The following DYNC1H1 variants were observed in gnomAD, a reference collection of about 807,000 sequenced individuals.
DYNC1H1 encodes the protein cytoplasmic dynein 1 heavy chain 1.
DYNC1H1 carries 51 observed loss-of-function variants against 527.1 expected under a neutral mutation model. That is an observed-to-expected ratio of 0.10 (90% CI 0.08 to 0.12). The LOEUF (loss-of-function observed/expected upper bound fraction) is 0.12, where lower values mean the gene tolerates loss of function less well. DYNC1H1 is among the 10% of genes least tolerant of loss of function. The pLI is 1.00. For missense variants in DYNC1H1, 2,771 were observed against 5,971.8 expected (o/e 0.46, Z 17.66); for synonymous variants, 2,189 against 2,278.8 (o/e 0.96, Z 1.12).
intron 1 of DYNC1H1, among the ~76,000 whole-genome samples, chr14:101,973,620 TAGAG>T (rs2047765239): frequency 6.6e-6 from 1 of 151,988 alleles, no homozygotes; most frequent in South Asian, 2.1e-4. Flanking sequence ...CTGAGCAACA[TAGAG>T]AGACCCCATC....
chr14:102,044,219 C>T lies in DYNC1H1; in HGVS notation c.12685-55C>T, dbSNP rs557807343. 1.7e-5 allele frequency: 28 copies of T among 1,605,846 alleles called. No homozygotes were observed. In the African/African-American group the frequency reaches 3.5e-4, roughly 20 times the overall value. ...GAAAGCTGTGCCCCTCGAAAGGAAG[C>T]CCCGGGCCTGCCCGCCTCTGACCAC... On this transcript the variant is annotated intron_variant, in intron 70 of 77. Coordinates refer to ENST00000360184, the MANE Select transcript of DYNC1H1 (RefSeq NM_001376.5). This position sits in a 1 kb window ranked among gnomAD's most constrained non-coding sequence, Gnocchi z 7.1.
rs757449756 is a variant in DYNC1H1 at position 102,042,658 on chromosome 14, G to A, written c.12423G>A (p.Ala4141=). The A allele has an allele frequency of 2.0e-5, 32 of 1,614,028 alleles. No individual in the cohort carries two copies. Among genetic ancestry groups the A allele is most frequent in the Middle Eastern group, 1.6e-4 (1 of 6,084 alleles). ...AGGTGCCTGTGAATCTGCTCCGTGC[G>A]GGCCGCATCTTTGTGTTCGAGCCAC... ...NPKVPVNLLR[A]GRIFVFEPPP... is the part of the protein sequence containing the mutation. The change falls in exon 69 of 78, where the codon GCG becomes GCA. Residue 4141 remains alanine (A), a synonymous_variant. Coordinates refer to ENST00000360184, the MANE Select transcript of DYNC1H1 (RefSeq NM_001376.5). This position sits in a 1 kb window ranked among gnomAD's most constrained non-coding sequence, Gnocchi z 5.7.
At chr14:101,982,375 C>T (rs1289328251) in intron 5 of DYNC1H1, among the ~76,000 whole-genome samples, 9 of 152,120 alleles carry the variant, frequency 5.9e-5, no homozygotes, top group Admixed American at 3.9e-4. Context: ...GGGCAGATCA[C>T]GAGGTCAGGA....
chr14:102,008,225 C>G lies in DYNC1H1; in HGVS notation c.5865C>G (p.Gly1955=). Residue 1955 remains glycine (G), a synonymous_variant, in exon 29 of 78, where the codon GGC becomes GGG. Transcript: ENST00000360184. ...FVGLCQVGAW[G]CFDEFNRLEE... ...GCCTTTGCCAGGTGGGTGCCTGGGG[C>G]TGCTTTGACGAGTTCAACCGCCTGG... The G allele has an allele frequency of 6.2e-7, 1 of 1,614,182 alleles. No homozygotes were observed. The highest frequency in any genetic ancestry group is 8.5e-7 in the Non-Finnish European group (1 of 1,180,042).
chr14:101,998,271 AAC>A lies in DYNC1H1; in HGVS notation c.3804+998_3804+999del, dbSNP rs539624967. On this transcript the variant is annotated intron_variant, in intron 16 of 77. Transcript: ENST00000360184. ...CGCCTGGACCCCTCTCCCCTCTATA[AAC>A]GCTGATCCGATAACACAAACGCCTG... Among the ~76,000 whole-genome samples the A allele has an allele frequency of 3.5e-3, 509 of 143,602 alleles. 15 individuals are homozygous for A. Among genetic ancestry groups the A allele is most frequent in the East Asian group, 0.024 (113 of 4,740 alleles). The allele number at this position is 143,602 out of a possible 152,430, so 94.2% of individuals were successfully genotyped here.
rs1057418952 is a variant in DYNC1H1 at position 101,967,711 on chromosome 14, A to G, written c.256+2764A>G. ...AAAAATAAGCCAGGCATGGTGGTGTATGCCAGTAGTTCCAGCTACTTGAGA... is the reference window on the plus strand; with the variant it reads ...AAAAATAAGCCAGGCATGGTGGTGTGTGCCAGTAGTTCCAGCTACTTGAGA... On this transcript the variant is annotated intron_variant, in intron 1 of 77. Transcript: ENST00000360184. Among the ~76,000 whole-genome samples the G allele has an allele frequency of 2.6e-5, 4 of 152,190 alleles. No individual in the cohort carries two copies. In the East Asian group the frequency reaches 5.8e-4, roughly 22 times the overall value.
Position 102,040,687 on chromosome 14 carries a change from T to G in DYNC1H1, c.11941+14T>G. The G allele has an allele frequency of 6.2e-7, 1 of 1,614,230 alleles. No homozygotes were observed. On this transcript the variant is annotated intron_variant, in intron 64 of 77. Coordinates refer to ENST00000360184, the MANE Select transcript of DYNC1H1 (RefSeq NM_001376.5). ...AAACACCTGCAAGTAAGCCCCACTG[T>G]GGTTTTCTTTCTGGACCTGAATGTA...
rs780906131 is a variant in DYNC1H1 at position 102,010,707 on chromosome 14, T to C, written c.6406-33T>C. 1.2e-6 allele frequency: 2 copies of C among 1,610,702 alleles called. No individual in the cohort carries two copies. Among genetic ancestry groups the C allele is most frequent in the South Asian group, 1.1e-5 (1 of 90,960 alleles). On this transcript the variant is annotated intron_variant, in intron 31 of 77. Transcript: ENST00000360184. The surrounding 1 kb of genome is among the most constrained non-coding windows in gnomAD (Gnocchi z 6.0). Reference sequence around the variant, plus strand: ...GCAGCGGGCAGTACTTGAGCCATGCTGCGCTGCTCACAGCCCAGCCCTCTC... The same window carrying C: ...GCAGCGGGCAGTACTTGAGCCATGCCGCGCTGCTCACAGCCCAGCCCTCTC...
chr14:102,054,507 C>T lies in DYNC1H1; in HGVS notation c.*3944C>T, dbSNP rs34285266. 9,400 of 152,186 alleles carry T rather than the reference C, an allele frequency of 0.062. 338 individuals are homozygous for T. The highest frequency in any genetic ancestry group is 0.12 in the South Asian group (592 of 4,820). 9.4% of individuals were successfully genotyped at this position (152,186 alleles called of 1,614,324 possible). On this transcript the variant is annotated 3_prime_UTR_variant, in exon 78 of 78. Coordinates refer to ENST00000360184, the MANE Select transcript of DYNC1H1 (RefSeq NM_001376.5). The stretch of plus-strand genomic sequence containing the variant: ...GCAGGTGGCACAGCCCACCCCCAAC[C>T]GCCAGGGCCACCCAAACACCAGTTA...
At position 102,033,638 on chromosome 14, in the gene DYNC1H1, A is replaced by G; in HGVS notation, c.10413+154A>G. ...GGACTTTTTTCCTGGAAAATAATAC[A>G]CACTGAGTAGTCACTAAGTGTTGTT... is the stretch of plus-strand genomic sequence containing the variant. On this transcript the variant is annotated intron_variant, in intron 54 of 77. Transcript: ENST00000360184. This position sits in a 1 kb window ranked among gnomAD's most constrained non-coding sequence, Gnocchi z 5.6. 1.1e-6 allele frequency: 1 copy of G among 921,590 alleles called. No individual in the cohort carries two copies. The highest frequency in any genetic ancestry group is 1.7e-6 in the Non-Finnish European group (1 of 591,142). The allele number at this position is 921,590 out of a possible 1,614,324, so 57.1% of individuals were successfully genotyped here. A position where few individuals can be genotyped will look rare whatever the true frequency, so the allele number is the denominator to read the frequency against.
chr14:101,992,362 T>A (rs1446338707), intron 11 of DYNC1H1, among the ~76,000 whole-genome samples: 2 of 152,256 alleles, frequency 1.3e-5, no homozygotes, highest in Non-Finnish European at 2.9e-5. Flanking sequence ...CACCTAATGC[T>A]GGGCACTGTC....
chr14:102,040,928 A>T, intron 64 of DYNC1H1: 1 of 548,772 alleles, frequency 1.8e-6, no homozygotes, highest in Non-Finnish European at 3.3e-6. Context: ...ACTGCACTCC[A>T]GCCTGGGCAG....
rs2047793104 is a variant in DYNC1H1 at position 101,975,741 on chromosome 14, A to G, written c.286A>G (p.Lys96Glu). 6.2e-7 allele frequency: 1 copy of G among 1,613,630 alleles called. No homozygotes were observed. ...CGTCGGTGATGAAGGAGAAGAAGAA[A>G]AAGAATTCATTTCCTATAACATCAA... ...EDVGDEGEEE[K>E]EFISYNINID... The change falls in exon 2 of 78, where the codon AAA becomes GAA. Residue 96 changes from lysine to glutamate, a missense_variant. This residue lies in a region of DYNC1H1 where 146 missense variants were observed against 288.1 expected (regional missense o/e 0.51). Coordinates refer to ENST00000360184, the MANE Select transcript of DYNC1H1 (RefSeq NM_001376.5).
intron 42 of DYNC1H1, 72 bp from the exon 43 acceptor site, chr14:102,022,678 CA>C: frequency 6.2e-7 from 1 of 1,609,830 alleles, no homozygotes; most frequent in Non-Finnish European, 8.5e-7. Flanking sequence ...ACAGCACCCA[CA>C]AACATGGTGA....
rs557003636 is a variant in DYNC1H1, at chr14:102,017,330, A to C, written c.8055+36A>C. 19 of 1,614,188 alleles carry C rather than the reference A, an allele frequency of 1.2e-5. No individual in the cohort carries two copies. In the South Asian group the frequency reaches 1.9e-4, roughly 16 times the overall value. On this transcript the variant is annotated intron_variant, in intron 39 of 77. Transcript: ENST00000360184. This position sits in a 1 kb window ranked among gnomAD's most constrained non-coding sequence, Gnocchi z 4.6. ...ATCCACAAGGCCCTTCCTGCCCCAC[A>C]ATGTTTCTTGTTCAAGTTTTGCTCT...
chr14:102,018,436 G>A lies in DYNC1H1; in HGVS notation c.8178-15G>A. 6.2e-7 allele frequency: 1 copy of A among 1,612,336 alleles called. No individual in the cohort carries two copies. The highest frequency in any genetic ancestry group is 8.5e-7 in the Non-Finnish European group (1 of 1,179,872). ...CTGTCAGGGAGGGGCGCTGAGCGGGGCTATCTGTGCACAGGTTCCTGCGCC... is the reference window on the plus strand; with the variant it reads ...CTGTCAGGGAGGGGCGCTGAGCGGGACTATCTGTGCACAGGTTCCTGCGCC... On this transcript the variant is annotated splice_polypyrimidine_tract_variant and intron_variant, in intron 40 of 77. Transcript: ENST00000360184. The surrounding 1 kb of genome is among the most constrained non-coding windows in gnomAD (Gnocchi z 5.2).
rs2048251239 is a variant in DYNC1H1 at position 102,010,882 on chromosome 14, A to G, written c.6548A>G (p.Lys2183Arg). ...GEMTALREEL[K>R]KVCQEMYLTY... ...ATGACTGCCCTTCGAGAGGAGCTGA[A>G]GAAAGTGTGTCAGGAGATGTATTTG... Residue 2183 changes from lysine to arginine, a missense_variant, in exon 32 of 78, where the codon AAG becomes AGG. By Grantham distance (26) the Lys-to-Arg change is conservative. Coordinates refer to ENST00000360184, the MANE Select transcript of DYNC1H1 (RefSeq NM_001376.5). This position sits in a 1 kb window ranked among gnomAD's most constrained non-coding sequence, Gnocchi z 6.0. 1 of 1,614,258 alleles carries G rather than the reference A, an allele frequency of 6.2e-7. No homozygotes were observed. The highest frequency in any genetic ancestry group is 1.3e-5 in the African/African-American group (1 of 75,064).
rs771141037 is a variant in DYNC1H1 at position 101,983,331 on chromosome 14, A to T, written c.1233+41A>T. 1 of 1,614,060 alleles carries T rather than the reference A, an allele frequency of 6.2e-7. No individual in the cohort carries two copies. The highest frequency in any genetic ancestry group is 8.5e-7 in the Non-Finnish European group (1 of 1,179,876). On this transcript the variant is annotated intron_variant, in intron 6 of 77. Transcript: ENST00000360184. This position sits in a 1 kb window ranked among gnomAD's most constrained non-coding sequence, Gnocchi z 5.3. ...TAAGACAACCAACCTCAAGACATTG[A>T]GATGAAAATATGTCTTAATAATAAG...
chr14:102,048,068 C>T (rs896683570), intron 73 of DYNC1H1, 40 bp downstream of exon 73: 2 of 1,583,286 alleles, frequency 1.3e-6, no homozygotes, highest in Admixed American at 1.8e-5. Flanking sequence ...TCTCAAGGTC[C>T]CAGGTGCTGG....
Sources: allele counts gnomAD v4.1 joint callset (sites outside exome capture counted in the v4.1 genomes callset), GRCh38; gene constraint gnomAD v4.1.1; regional missense constraint gnomAD v4.1.1; non-coding constraint Gnocchi (gnomAD v3.1); transcripts MANE v1.5; gene names NCBI Gene and HGNC (gene_info 2026-07-23, HGNC 2026-07-21).